PRKAG2: variants seen among roughly 807,000 people sequenced by gnomAD.
PRKAG2 encodes the protein 5'-AMP-activated protein kinase subunit gamma-2.
In PRKAG2, 26 loss-of-function variants were observed where a neutral mutation model predicts 69.6. That is an observed-to-expected ratio of 0.37 (90% CI 0.27 to 0.52). PRKAG2 has a LOEUF of 0.52. Ranked by LOEUF, PRKAG2 falls within the 20% of genes least tolerant of loss-of-function variation. The pLI is 0.90. For missense variants in PRKAG2, 557 were observed against 740.0 expected (o/e 0.75, Z 2.87); for synonymous variants, 293 against 285.0 (o/e 1.03, Z -0.28).
intron 4 of PRKAG2, among the ~76,000 whole-genome samples, chr7:151,664,408 ACT>A (rs1654966602): frequency 6.6e-6 from 1 of 151,912 alleles, no homozygotes; most frequent in South Asian, 2.1e-4. Flanking sequence ...ATGCCGAGTC[ACT>A]CTCATCTTTT....
intron 6 of PRKAG2, among the ~76,000 whole-genome samples, chr7:151,588,297 A>C (rs896580644): frequency 6.8e-6 from 1 of 147,514 alleles, no homozygotes; most frequent in Non-Finnish European, 1.5e-5. Context: ...AGTGGGAGGT[A>C]ACTGAATCAT....
Position 151,859,172 on chromosome 7 carries a change from TG to T in PRKAG2, c.114+17334del, listed in dbSNP as rs2079855462. Among the ~76,000 whole-genome samples the T allele has an allele frequency of 2.6e-5, 4 of 152,230 alleles. No homozygotes were observed. The South Asian group carries it at 8.3e-4, about 31-fold the overall frequency. ...GCAAACAGCCGATACCACATCTGTG[TG>T]CATCGTCCTGTGATGCCCAGGGAAT... On this transcript the variant is annotated intron_variant, in intron 1 of 15. Coordinates refer to ENST00000287878, the MANE Select transcript of PRKAG2 (RefSeq NM_016203.4).
rs1214472444 is a variant in PRKAG2, at chr7:151,556,578, T to TA, written c.*622dup. 2.0e-5 allele frequency: 3 copies of TA among 152,588 alleles called. No individual in the cohort carries two copies. The highest frequency in any genetic ancestry group is 2.9e-5 in the Non-Finnish European group (2 of 68,182). 9.5% of individuals were successfully genotyped at this position (152,588 alleles called of 1,614,324 possible). Reference sequence around the variant, plus strand: ...GAAGTTTACTCCACCAAAAGATGTGTAAAAAAATTGCATGAAAGTAAAAAT... The same window carrying TA: ...GAAGTTTACTCCACCAAAAGATGTGTAAAAAAAATTGCATGAAAGTAAAAAT... On this transcript the variant is annotated 3_prime_UTR_variant, in exon 16 of 16. Transcript: ENST00000287878.
At chr7:151,580,399 G>C (rs531016824) in intron 6 of PRKAG2, among the ~76,000 whole-genome samples, 2 of 152,200 alleles carry the variant, frequency 1.3e-5, no homozygotes, top group African/African-American at 4.8e-5. Flanking sequence ...AAAGATTCTA[G>C]ACCTGCACAG....
Position 151,771,433 on chromosome 7 carries a change from C to T in PRKAG2, c.466+9719G>A, listed in dbSNP as rs1300669300. Among the ~76,000 whole-genome samples the T allele has an allele frequency of 1.3e-5, 2 of 152,162 alleles. No homozygotes were observed. The highest frequency in any genetic ancestry group is 4.8e-5 in the African/African-American group (2 of 41,430). On this transcript the variant is annotated intron_variant, in intron 3 of 15. Transcript: ENST00000287878. The surrounding 1 kb of genome is among the most constrained non-coding windows in gnomAD (Gnocchi z 4.0). Reference sequence around the variant, plus strand: ...GGATTATTCCACTTCCTCCTTTCCTCCTGCACTCTGTTCCAAAGCCAGAGA... The same window carrying T: ...GGATTATTCCACTTCCTCCTTTCCTTCTGCACTCTGTTCCAAAGCCAGAGA...
chr7:151,731,855 TG>T (rs1282529953), intron 3 of PRKAG2, among the ~76,000 whole-genome samples: 1 of 152,168 alleles, frequency 6.6e-6, no homozygotes, highest in African/African-American at 2.4e-5. Context: ...GTTTGTCTTT[TG>T]AGACAGTGTC....
At chr7:151,870,148 GATA>G (rs1189016427) in intron 1 of PRKAG2, among the ~76,000 whole-genome samples, 13 of 132,224 alleles carry the variant, frequency 9.8e-5, no homozygotes, top group African/African-American at 2.9e-4. Flanking sequence ...TAGATAGATA[GATA>G]GATAGGCAGG....
At position 151,874,489 on chromosome 7, in the gene PRKAG2, GATGTATATGTATATGATGTAT is replaced by G. The variant is rs1252442592; in HGVS notation, c.114+1997_114+2017del. On this transcript the variant is annotated intron_variant, in intron 1 of 15. Coordinates refer to ENST00000287878, the MANE Select transcript of PRKAG2 (RefSeq NM_016203.4). ...ATATGTATATGATGTATATGTATATGATGTATATGTATATGATGTATATGTATATGTATATGATGTATATGT... is the reference window on the plus strand; with the variant it reads ...ATATGTATATGATGTATATGTATATGATGTATATGTATATGATGTATATGT... 2.1e-4 allele frequency among the ~76,000 whole-genome samples: 16 copies of G among 76,218 alleles called. 1 individual carries two copies. Among genetic ancestry groups the G allele is most frequent in the Admixed American group, 4.8e-4 (3 of 6,300 alleles). 50.0% of individuals were successfully genotyped at this position (76,218 alleles called of 152,430 possible).
chr7:151,728,092 C>T lies in PRKAG2; in HGVS notation c.467-52455G>A, dbSNP rs181421615. Among the ~76,000 whole-genome samples, 109 of 152,226 alleles carry T rather than the reference C, an allele frequency of 7.2e-4. 1 individual carries two copies. In the East Asian group the frequency reaches 0.019, roughly 26 times the overall value. On this transcript the variant is annotated intron_variant, in intron 3 of 15. Coordinates refer to ENST00000287878, the MANE Select transcript of PRKAG2 (RefSeq NM_016203.4). ...CAGAGTGTTTGACCACGGGCCTGAC[C>T]GGGAGGGGAGACGCCACCTCCTGGG... is the stretch of plus-strand genomic sequence containing the variant.
intron 8 of PRKAG2, among the ~76,000 whole-genome samples, chr7:151,573,333 G>GTTTT (rs57854174): frequency 1.2e-4 from 10 of 82,834 alleles, no homozygotes; most frequent in Non-Finnish European, 1.9e-4. Context: ...ATTTTTGTGG[G>GTTTT]TTTTTTTTTT....
At chr7:151,713,653 C>T (rs1397794121) in intron 3 of PRKAG2, among the ~76,000 whole-genome samples, 1 of 150,662 alleles carries the variant, frequency 6.6e-6, no homozygotes, top group Non-Finnish European at 1.5e-5. Context: ...GGTGCGAACA[C>T]AGCTCACTAC....
chr7:151,808,576 G>A (rs2078241399), intron 1 of PRKAG2, among the ~76,000 whole-genome samples: 2 of 145,942 alleles, frequency 1.4e-5, no homozygotes, highest in African/African-American at 5.0e-5. Flanking sequence ...TAACAAGAGA[G>A]TCTAGTGCAG....
chr7:151,766,181 A>G (rs2075723081), intron 3 of PRKAG2, among the ~76,000 whole-genome samples: 1 of 152,234 alleles, frequency 6.6e-6, no homozygotes, highest in African/African-American at 2.4e-5. Context: ...GTGTCACTGT[A>G]ACTTCTCACA....
At position 151,675,477 on chromosome 7, in the gene PRKAG2, G is replaced by C; in HGVS notation, c.627C>G (p.Phe209Leu). 1 of 1,614,198 alleles carries C rather than the reference G, an allele frequency of 6.2e-7. No individual in the cohort carries two copies. The highest frequency in any genetic ancestry group is 1.3e-5 in the African/African-American group (1 of 75,050). Residue 209 changes from phenylalanine to leucine, a missense_variant, in exon 4 of 16, where the codon TTC becomes TTG. Coordinates refer to ENST00000287878, the MANE Select transcript of PRKAG2 (RefSeq NM_016203.4). ...CCAGTGGAGGCCTGGTCGGGCTCTGGAAGGAAGACGGGCAGAACCTCTGCC... is the reference window on the plus strand; with the variant it reads ...CCAGTGGAGGCCTGGTCGGGCTCTGCAAGGAAGACGGGCAGAACCTCTGCC... ...DTGQRFCPSS[F>L]QSPTRPPLAS...
At chr7:151,841,438 TAGTA>T (rs150725357) in intron 1 of PRKAG2, among the ~76,000 whole-genome samples, 25,950 of 149,692 alleles carry the variant, frequency 0.17, 2,614 homozygotes, top group South Asian at 0.22. Flanking sequence ...ATGGTAGTGA[TAGTA>T]GGTAGGGATG....
At chr7:151,620,229 T>G (rs190126156) in intron 5 of PRKAG2, among the ~76,000 whole-genome samples, 152 of 152,296 alleles carry the variant, frequency 1.0e-3, no homozygotes, top group African/African-American at 3.5e-3. Context: ...GGAACATATG[T>G]TGAATTTTAT....
chr7:151,857,979 C>T (rs2079827664), intron 1 of PRKAG2, among the ~76,000 whole-genome samples: 1 of 152,220 alleles, frequency 6.6e-6, no homozygotes, highest in Non-Finnish European at 1.5e-5. Flanking sequence ...TTGCCTCTCC[C>T]ATCTCTCTTT....
chr7:151,703,848 AC>A (rs1838136264), intron 3 of PRKAG2, among the ~76,000 whole-genome samples: 1 of 21,304 alleles, frequency 4.7e-5, no homozygotes, highest in Non-Finnish European at 1.0e-4. Flanking sequence ...ACTGGAAAAC[AC>A]ACACACACAC....
intron 4 of PRKAG2, chr7:151,674,918 TTC>T (rs923626636): frequency 5.6e-6 from 1 of 177,342 alleles, no homozygotes; most frequent in Non-Finnish European, 1.2e-5. Context: ...TTCATTTTGT[TTC>T]TTTTTTTCTT....
Sources: gnomAD v4.1 joint callset for allele counts (sites outside exome capture counted in the v4.1 genomes callset) on GRCh38, gnomAD v4.1.1 for gene constraint, Gnocchi (gnomAD v3.1) non-coding constraint, MANE v1.5 for transcripts, NCBI Gene and HGNC (gene_info 2026-07-23, HGNC 2026-07-21) for gene names.